TSGA10: variants seen among roughly 807,000 people sequenced by gnomAD.
TSGA10 encodes testis specific 10, also known as testis-specific gene 10 protein.
TSGA10 carries 43 observed loss-of-function variants against 96.6 expected under a neutral mutation model. The ratio of observed to expected loss-of-function variants is 0.44; its 90% CI spans 0.35 to 0.57. The LOEUF is 0.57. Ranked by LOEUF, TSGA10 falls within the 20% of genes least tolerant of loss-of-function variation. TSGA10 has a pLI of 0.01. For synonymous variants in TSGA10, 229 were observed against 269.9 expected (o/e 0.85, Z 1.48); for missense variants, 703 against 834.4 (o/e 0.84, Z 1.94).
chr2:99,022,254 A>G (rs1390920903), intron 17 of TSGA10, among the ~76,000 whole-genome samples: 1 of 145,306 alleles, frequency 6.9e-6, no homozygotes, highest in Non-Finnish European at 1.5e-5. Flanking sequence ...TGAGCCCAGA[A>G]GTTGAGGATA....
chr2:99,075,621 C>T (rs1402779229), intron 12 of TSGA10, among the ~76,000 whole-genome samples: 1 of 152,132 alleles, frequency 6.6e-6, no homozygotes. Context: ...TTATAGAGAA[C>T]ATTTCCTCTT....
chr2:99,136,519 C>CTTCTACTTCTTCAAAAAAGACTTA (rs1280297152), intron 1 of TSGA10, among the ~76,000 whole-genome samples: 18 of 99,060 alleles, frequency 1.8e-4, no homozygotes, highest in South Asian at 3.5e-4. Context: ...GTATTTCTGC[C>CTTCTACTTCTTCAAAAAAGACTTA]GGGCGCGGTG....
At chr2:99,112,537 G>C (rs755653032) in intron 4 of TSGA10, among the ~76,000 whole-genome samples, 1 of 106,744 alleles carries the variant, frequency 9.4e-6, no homozygotes. Flanking sequence ...AGGGTGGTCA[G>C]GAAGTCCTCA....
intron 20 of TSGA10, among the ~76,000 whole-genome samples, chr2:99,014,353 TATCATC>T (rs977660544): frequency 2.0e-5 from 3 of 151,960 alleles, no homozygotes; most frequent in Admixed American, 6.6e-5. Flanking sequence ...TAATAATAAT[TATCATC>T]ATCATCATCA....
chr2:99,081,011 TTTAAG>T (rs1466719057), intron 11 of TSGA10, among the ~76,000 whole-genome samples: 17 of 152,130 alleles, frequency 1.1e-4, no homozygotes, highest in African/African-American at 4.1e-4. Flanking sequence ...AAAATTCAAA[TTTAAG>T]TTATCATCGT....
Position 99,132,066 on chromosome 2 carries a change from T to C in TSGA10, c.-620-4890A>G, listed in dbSNP as rs1308742496. ...TTTTCACATCGATGTTCATCAGAAA[T>C]ATTGGCCTGAAATTTTTTGCTGTTG... On this transcript the variant is annotated intron_variant, in intron 1 of 20. Coordinates refer to ENST00000393483, the MANE Select transcript of TSGA10 (RefSeq NM_025244.4). Among the ~76,000 whole-genome samples the C allele has an allele frequency of 1.3e-5, 2 of 152,148 alleles. 1 individual carries two copies. Among genetic ancestry groups the C allele is most frequent in the Admixed American group, 1.3e-4 (2 of 15,286 alleles).
At chr2:99,148,992 T>A (rs763351619) in intron 1 of TSGA10, among the ~76,000 whole-genome samples, 2 of 151,316 alleles carry the variant, frequency 1.3e-5, no homozygotes, top group Non-Finnish European at 2.9e-5. Flanking sequence ...GGAAAAAAAA[T>A]AAATAAAAAT....
intron 4 of TSGA10, among the ~76,000 whole-genome samples, chr2:99,116,821 A>G (rs896400372): frequency 6.6e-6 from 1 of 152,252 alleles, no homozygotes; most frequent in African/African-American, 2.4e-5. Flanking sequence ...ATCAACGTAT[A>G]CTGATCAAAT....
chr2:99,113,802 C>T (rs549087039), intron 4 of TSGA10, among the ~76,000 whole-genome samples: 1 of 152,242 alleles, frequency 6.6e-6, no homozygotes, highest in East Asian at 1.9e-4. Flanking sequence ...CTGCCTTGGC[C>T]TCCCAAAGTG....
At chr2:99,059,365 T>C (rs1195591141) in intron 16 of TSGA10, among the ~76,000 whole-genome samples, 1 of 152,022 alleles carries the variant, frequency 6.6e-6, no homozygotes, top group African/African-American at 2.4e-5. Context: ...CCAGGCATGG[T>C]GGCTCATGCC....
At position 99,104,006 on chromosome 2, in the gene TSGA10, CT is replaced by C; in HGVS notation, c.571del (p.Ser191ValfsTer13). The C allele has an allele frequency of 6.2e-7, 1 of 1,614,070 alleles. No individual in the cohort carries two copies. On this transcript the variant is annotated frameshift_variant, in exon 10 of 21. Transcript: ENST00000393483. LOFTEE classifies it high-confidence loss of function. The stretch of plus-strand genomic sequence containing the variant: ...CTCTGCTTTTTGTCTGCCAAGTTCA[CT>C]TTCGGTATCCATTGCCTTTCTTGCT... ...SLARKAMDTE[S>X]ELGRQKAENN...
intron 10 of TSGA10, 98 bp downstream of exon 10, chr2:99,103,869 A>G (rs2091045177): frequency 7.1e-7 from 1 of 1,402,022 alleles, no homozygotes; most frequent in African/African-American, 1.4e-5. Flanking sequence ...CCTCTCAGAA[A>G]CTGAACTCAA....
intron 1 of TSGA10, among the ~76,000 whole-genome samples, chr2:99,137,887 A>C (rs1327976879): frequency 4.2e-5 from 1 of 23,942 alleles, no homozygotes; most frequent in Non-Finnish European, 1.3e-4. Context: ...ACTCCATGTC[A>C]AAAAAAAAAA....
intron 1 of TSGA10, among the ~76,000 whole-genome samples, chr2:99,148,602 A>G (rs2093656104): frequency 6.6e-6 from 1 of 152,248 alleles, no homozygotes; most frequent in African/African-American, 2.4e-5. Flanking sequence ...GTCAGTAATT[A>G]CAGCTTGATG....
intron 10 of TSGA10, among the ~76,000 whole-genome samples, chr2:99,100,500 C>G (rs929013024): frequency 1.3e-5 from 2 of 152,042 alleles, no homozygotes; most frequent in African/African-American, 2.4e-5. Flanking sequence ...AAAACTTGAC[C>G]ACTGCCTCAC....
chr2:99,026,376 T>C (rs1417157834), intron 17 of TSGA10, among the ~76,000 whole-genome samples: 1 of 152,150 alleles, frequency 6.6e-6, no homozygotes, highest in Non-Finnish European at 1.5e-5. Context: ...AAGAAGTTGA[T>C]AGAAGAAAGG....
At chr2:99,122,938 T>G (rs554192126) in intron 2 of TSGA10, among the ~76,000 whole-genome samples, 2 of 152,226 alleles carry the variant, frequency 1.3e-5, no homozygotes, top group Non-Finnish European at 2.9e-5. Flanking sequence ...TCTTTTAGGG[T>G]AGCTCTGCTG....
At chr2:99,011,321 G>A (rs1174058000) in intron 20 of TSGA10, among the ~76,000 whole-genome samples, 1 of 152,048 alleles carries the variant, frequency 6.6e-6, no homozygotes, top group Non-Finnish European at 1.5e-5. Context: ...CAGTAGAGAC[G>A]GGATTTCGCC....
chr2:99,147,224 C>T (rs2093641407), intron 1 of TSGA10: 4 of 447,446 alleles, frequency 8.9e-6, no homozygotes, highest in Non-Finnish European at 1.6e-5. Flanking sequence ...TGGTCTCAAA[C>T]TGCTGGACTC....
Sources: allele counts gnomAD v4.1 joint callset (sites outside exome capture counted in the v4.1 genomes callset), GRCh38; gene constraint gnomAD v4.1.1; transcripts MANE v1.5; gene names NCBI Gene and HGNC (gene_info 2026-07-23, HGNC 2026-07-21).